SLC35E1: variants seen among roughly 807,000 people sequenced by gnomAD.
SLC35E1 encodes the protein solute carrier family 35 member E1.
SLC35E1 carries 12 observed loss-of-function variants against 31.0 expected under a neutral mutation model. The observed-to-expected ratio is 0.39, with a 90% confidence interval of 0.25 to 0.63. The LOEUF (loss-of-function observed/expected upper bound fraction) is 0.63, where lower values mean the gene tolerates loss of function less well. SLC35E1 is among the 20% of genes least tolerant of loss of function. The probability of loss-of-function intolerance (pLI) is 0.52; values close to 1 mark genes in which losing one functional copy is unlikely to be tolerated. For missense variants in SLC35E1, 429 were observed against 572.2 expected (o/e 0.75, Z 2.55); for synonymous variants, 257 against 264.1 (o/e 0.97, Z 0.26).
At chr19:16,565,473 G>C (rs1230938519) in intron 4 of SLC35E1, 1 of 201,540 alleles carries the variant, frequency 5.0e-6, no homozygotes, top group Non-Finnish European at 1.0e-5. Flanking sequence ...GCCTCCCAAA[G>C]TGCTGGGATT....
chr19:16,565,184 G>A (rs939163195), intron 4 of SLC35E1: 2 of 452,126 alleles, frequency 4.4e-6, no homozygotes, highest in African/African-American at 4.0e-5. Flanking sequence ...AGAGACCAGG[G>A]AGGAACTGAG....
chr19:16,564,784 G>A (rs556283316), intron 4 of SLC35E1, among the ~76,000 whole-genome samples: 2 of 152,282 alleles, frequency 1.3e-5, no homozygotes, highest in East Asian at 3.9e-4. Context: ...GTCATCAAAA[G>A]GAACAGTTAA....
At chr19:16,556,567 A>G (rs2085876105) in intron 4 of SLC35E1, among the ~76,000 whole-genome samples, 2 of 152,200 alleles carry the variant, frequency 1.3e-5, no homozygotes, top group Non-Finnish European at 2.9e-5. Context: ...CATTCTGACT[A>G]AGGGATCCAG....
Position 16,557,138 on chromosome 19 carries a change from C to CA in SLC35E1, c.757-1742dup, listed in dbSNP as rs199714649. 1,167 of 329,522 alleles carry CA rather than the reference C, an allele frequency of 3.5e-3. 8 individuals are homozygous for CA. The highest frequency in any genetic ancestry group is 0.021 in the African/African-American group (966 of 45,122). The allele number at this position is 329,522 out of a possible 1,614,324, so 20.4% of individuals were successfully genotyped here. A position where few individuals can be genotyped will look rare whatever the true frequency, so the allele number is the denominator to read the frequency against. On this transcript the variant is annotated intron_variant, in intron 4 of 5. Transcript: ENST00000595753. ...GGAACCCAACCAATCTGGTTTAAAA[C>CA]AAAAAAAAAGATACATAATAAAATG...
Position 16,553,531 on chromosome 19 carries a change from G to A in SLC35E1, c.*148C>T, listed in dbSNP as rs74892239. 1.5e-4 allele frequency: 102 copies of A among 679,634 alleles called. 1 individual carries two copies. The East Asian group carries it at 2.6e-3, about 18-fold the overall frequency. 42.1% of individuals were successfully genotyped at this position (679,634 alleles called of 1,614,324 possible). On this transcript the variant is annotated 3_prime_UTR_variant, in exon 6 of 6. Transcript: ENST00000595753. ...GGCAACGCATCCTCCTGCGGCTCAC[G>A]GGGGGCCAGGAACCCCAGGGCTTCT...
At chr19:16,554,409 T>C (rs2085863957) in intron 5 of SLC35E1, among the ~76,000 whole-genome samples, 1 of 152,018 alleles carries the variant, frequency 6.6e-6, no homozygotes, top group African/African-American at 2.4e-5. Context: ...CCAGGCGCAG[T>C]GGCTTATGCC....
rs772468571 is a variant in SLC35E1, at chr19:16,553,698, A to C, written c.1214T>G (p.Leu405Trp). ...TGGACTCTACACATCATAGCGGTTC[A>C]AACTGTACGAGTTTGGGTAGCTCTG... ...SRQSYPNSYS[L>W]NRYDV is the part of the protein sequence containing the mutation. Residue 405 changes from leucine (L) to tryptophan (W), a missense_variant, in exon 6 of 6, where the codon TTG becomes TGG. Transcript: ENST00000595753. 2 of 1,575,680 alleles carry C rather than the reference A, an allele frequency of 1.3e-6. No individual in the cohort carries two copies. Among genetic ancestry groups the C allele is most frequent in the African/African-American group, 2.7e-5 (2 of 74,404 alleles).
chr19:16,568,749 T>C (rs2085944027), intron 2 of SLC35E1, among the ~76,000 whole-genome samples: 1 of 152,180 alleles, frequency 6.6e-6, no homozygotes, highest in African/African-American at 2.4e-5. Context: ...GCCAGGCTAG[T>C]CTTGAACGCC....
At chr19:16,562,569 A>T (rs2085912319) in intron 4 of SLC35E1, among the ~76,000 whole-genome samples, 2 of 152,242 alleles carry the variant, frequency 1.3e-5, no homozygotes, top group South Asian at 4.1e-4. Flanking sequence ...TAAAACTGCT[A>T]TACAAATAAT....
At chr19:16,559,060 G>A (rs1480996036) in intron 4 of SLC35E1, among the ~76,000 whole-genome samples, 1 of 152,050 alleles carries the variant, frequency 6.6e-6, no homozygotes, top group Non-Finnish European at 1.5e-5. Flanking sequence ...GAGCCACCAC[G>A]CCCAGCCAAT....
intron 2 of SLC35E1, among the ~76,000 whole-genome samples, chr19:16,570,186 C>T (rs1164539691): frequency 2.6e-5 from 4 of 152,202 alleles, no homozygotes; most frequent in African/African-American, 7.2e-5. Context: ...TCCCGTACAA[C>T]GGGGAAACCT....
At chr19:16,566,724 C>T in intron 3 of SLC35E1, 67 bp from the exon 4 acceptor site, 2 of 1,554,392 alleles carry the variant, frequency 1.3e-6, no homozygotes, top group Non-Finnish European at 1.7e-6. Flanking sequence ...TCCAGTGACT[C>T]AGGCCCCAAA....
Position 16,572,089 on chromosome 19 carries a change from T to G in SLC35E1, c.276A>C (p.Gly92=). 4 of 1,523,996 alleles carry G rather than the reference T, an allele frequency of 2.6e-6. No homozygotes were observed. The highest frequency in any genetic ancestry group is 2.6e-6 in the Non-Finnish European group (3 of 1,136,262). 94.4% of individuals were successfully genotyped at this position (1,523,996 alleles called of 1,614,324 possible). ...VPPAPPVSGP[G]PSPHPSSGPL... Reference sequence around the variant, plus strand: ...GGCCGGACGACGGATGCGGACTGGGTCCGGGGCCCGAGACGGGCGGCGCGG... The same window carrying G: ...GGCCGGACGACGGATGCGGACTGGGGCCGGGGCCCGAGACGGGCGGCGCGG... The change falls in exon 1 of 6, where the codon GGA becomes GGC. Residue 92 remains glycine, a synonymous_variant. Coordinates refer to ENST00000595753, the MANE Select transcript of SLC35E1 (RefSeq NM_024881.5). The surrounding 1 kb of genome is among the most constrained non-coding windows in gnomAD (Gnocchi z 4.1).
Position 16,551,179 on chromosome 19 carries a change from C to A in SLC35E1, c.*2500G>T, listed in dbSNP as rs1232285993. Reference sequence around the variant, plus strand: ...CTTCGGTGAAGGCACACGGCAAGTTCTTCTGACAAATAACACCCTTTGGGA... The same window carrying A: ...CTTCGGTGAAGGCACACGGCAAGTTATTCTGACAAATAACACCCTTTGGGA... On this transcript the variant is annotated 3_prime_UTR_variant, in exon 6 of 6. Transcript: ENST00000595753. 1.3e-5 allele frequency: 2 copies of A among 152,166 alleles called. No individual in the cohort carries two copies. The highest frequency in any genetic ancestry group is 4.8e-5 in the African/African-American group (2 of 41,436). 9.4% of individuals were successfully genotyped at this position (152,166 alleles called of 1,614,324 possible).
chr19:16,568,316 G>T, intron 2 of SLC35E1, 147 bp from the exon 3 acceptor site: 1 of 1,127,452 alleles, frequency 8.9e-7, no homozygotes, highest in Non-Finnish European at 1.2e-6. Context: ...TGCCAGTGAC[G>T]CTCTGGTGGG....
intron 4 of SLC35E1, chr19:16,557,039 G>A (rs772214834): frequency 4.3e-6 from 2 of 459,894 alleles, no homozygotes; most frequent in Admixed American, 4.8e-5. Flanking sequence ...CCCAGGGGTC[G>A]CTCCCTAAGG....
At chr19:16,557,926 G>A (rs1469872368) in intron 4 of SLC35E1, among the ~76,000 whole-genome samples, 1 of 152,162 alleles carries the variant, frequency 6.6e-6, no homozygotes. Flanking sequence ...CCATTCTCCT[G>A]CCTCAGCCTC....
chr19:16,569,342 T>C (rs1227147534), intron 2 of SLC35E1, among the ~76,000 whole-genome samples: 1 of 151,980 alleles, frequency 6.6e-6, no homozygotes, highest in Non-Finnish European at 1.5e-5. Flanking sequence ...ACTCTGTCTG[T>C]TACATCATCC....
intron 4 of SLC35E1, among the ~76,000 whole-genome samples, chr19:16,563,087 G>A (rs1051276981): frequency 2.0e-5 from 3 of 152,120 alleles, no homozygotes; most frequent in Non-Finnish European, 4.4e-5. Context: ...TTGGGAGGCC[G>A]AAGTGGGTGG....
Sources: gnomAD v4.1 joint callset for allele counts (sites outside exome capture counted in the v4.1 genomes callset) on GRCh38, gnomAD v4.1.1 for gene constraint, Gnocchi (gnomAD v3.1) non-coding constraint, MANE v1.5 for transcripts, NCBI Gene and HGNC (gene_info 2026-07-23, HGNC 2026-07-21) for gene names.